Variants in CDKAL1 observed in about 807,000 individuals in gnomAD.
CDKAL1 encodes CDKAL1 threonylcarbamoyladenosine tRNA methylthiotransferase, also known as threonylcarbamoyladenosine tRNA methylthiotransferase.
Under a neutral mutation model 68.2 loss-of-function variants are expected in CDKAL1, and 32 were observed. The ratio of observed to expected loss-of-function variants is 0.47; its 90% CI spans 0.35 to 0.63. The LOEUF (loss-of-function observed/expected upper bound fraction) is 0.63. Ranked by LOEUF, CDKAL1 falls within the 30% of genes least tolerant of loss-of-function variation. The probability of loss-of-function intolerance (pLI) is 0.00; values close to 1 mark genes in which losing one functional copy is unlikely to be tolerated. For synonymous variants in CDKAL1, 234 were observed against 244.3 expected (o/e 0.96, Z 0.39); for missense variants, 606 against 696.7 (o/e 0.87, Z 1.47).
At chr6:21,119,902 A>G (rs1322646539) in intron 13 of CDKAL1, among the ~76,000 whole-genome samples, 1 of 152,160 alleles carries the variant, frequency 6.6e-6, no homozygotes, top group Non-Finnish European at 1.5e-5. Context: ...AAAGGCCCTT[A>G]GAGCTCATGG....
intron 8 of CDKAL1, among the ~76,000 whole-genome samples, chr6:20,797,498 G>A (rs934778247): frequency 6.6e-6 from 1 of 152,162 alleles, no homozygotes; most frequent in Non-Finnish European, 1.5e-5. Context: ...TTAGGTATGA[G>A]AAATGAAAAC....
intron 13 of CDKAL1, among the ~76,000 whole-genome samples, chr6:21,197,762 C>T (rs1582400552): frequency 6.6e-6 from 1 of 152,114 alleles, no homozygotes; most frequent in East Asian, 1.9e-4. Context: ...AGATCAAATT[C>T]TGTTTCAGAG....
intron 5 of CDKAL1, among the ~76,000 whole-genome samples, chr6:20,737,937 A>G (rs1282588149): frequency 6.6e-6 from 1 of 152,246 alleles, no homozygotes; most frequent in African/African-American, 2.4e-5. Context: ...GCTGTTCATC[A>G]CAAAGAGCCC....
intron 9 of CDKAL1, among the ~76,000 whole-genome samples, chr6:20,901,340 A>G (rs1454604975): frequency 6.6e-6 from 1 of 152,044 alleles, no homozygotes. Context: ...GTGATATTTT[A>G]CAAATTGGAC....
At chr6:20,902,988 A>G (rs927310716) in intron 9 of CDKAL1, among the ~76,000 whole-genome samples, 5 of 152,130 alleles carry the variant, frequency 3.3e-5, no homozygotes, top group Non-Finnish European at 5.9e-5. Flanking sequence ...AGACTGAATG[A>G]CATTCATTGT....
intron 9 of CDKAL1, among the ~76,000 whole-genome samples, chr6:20,864,169 C>A (rs1232551817): frequency 7.8e-6 from 1 of 128,398 alleles, no homozygotes; most frequent in Non-Finnish European, 1.7e-5. Flanking sequence ...AATGCTGTCA[C>A]ATGAAAAATA....
At chr6:21,221,969 G>A (rs1271264697) in intron 15 of CDKAL1, among the ~76,000 whole-genome samples, 1 of 152,116 alleles carries the variant, frequency 6.6e-6, no homozygotes, top group Non-Finnish European at 1.5e-5. Flanking sequence ...TGCAGGTTGG[G>A]CATTCTGAAA....
At chr6:20,658,213 C>G (rs1769119516) in intron 5 of CDKAL1, among the ~76,000 whole-genome samples, 1 of 152,148 alleles carries the variant, frequency 6.6e-6, no homozygotes, top group Non-Finnish European at 1.5e-5. Context: ...GAATAGCCAG[C>G]TTGCTTTGAT....
chr6:21,176,780 C>T (rs1391648310), intron 13 of CDKAL1, among the ~76,000 whole-genome samples: 1 of 151,240 alleles, frequency 6.6e-6, no homozygotes, highest in East Asian at 2.0e-4. Context: ...GCGCATCCTC[C>T]GCCACCCGGC....
At chr6:20,718,625 T>C (rs948640096) in intron 5 of CDKAL1, among the ~76,000 whole-genome samples, 1 of 152,218 alleles carries the variant, frequency 6.6e-6, no homozygotes, top group Non-Finnish European at 1.5e-5. Flanking sequence ...TTCCCTCTTA[T>C]CACATTTTTA....
At chr6:20,949,578 A>G (rs1414161740) in intron 9 of CDKAL1, among the ~76,000 whole-genome samples, 1 of 152,140 alleles carries the variant, frequency 6.6e-6, no homozygotes, top group African/African-American at 2.4e-5. Context: ...ATGGAACCAA[A>G]ATTCATTGAG....
intron 9 of CDKAL1, among the ~76,000 whole-genome samples, chr6:20,872,374 C>T (rs1410093265): frequency 6.6e-6 from 1 of 152,014 alleles, no homozygotes; most frequent in African/African-American, 2.4e-5. Context: ...AAACAACATC[C>T]TAGCAAGGGT....
intron 5 of CDKAL1, among the ~76,000 whole-genome samples, chr6:20,660,808 G>A (rs1250838835): frequency 6.6e-6 from 1 of 152,164 alleles, no homozygotes; most frequent in Non-Finnish European, 1.5e-5. Context: ...TCGTTATGCT[G>A]TCATTGCATC....
chr6:20,549,816 A>G (rs537271858), intron 4 of CDKAL1, among the ~76,000 whole-genome samples: 1 of 151,856 alleles, frequency 6.6e-6, no homozygotes, highest in Non-Finnish European at 1.5e-5. Context: ...CATGTTGGCC[A>G]GGCTAGTCTC....
chr6:20,901,684 A>AG, intron 9 of CDKAL1, among the ~76,000 whole-genome samples: 1 of 118,846 alleles, frequency 8.4e-6, no homozygotes, highest in Non-Finnish European at 1.7e-5. Context: ...CCATCTGGAA[A>AG]AAAAAAAAAA....
intron 9 of CDKAL1, among the ~76,000 whole-genome samples, chr6:20,868,476 T>A (rs993677232): frequency 6.6e-6 from 1 of 152,266 alleles, no homozygotes; most frequent in Non-Finnish European, 1.5e-5. Flanking sequence ...TATTTCAGTA[T>A]GTCCTTGATA....
intron 13 of CDKAL1, among the ~76,000 whole-genome samples, chr6:21,141,578 A>G (rs1269018148): frequency 6.6e-6 from 1 of 152,234 alleles, no homozygotes; most frequent in African/African-American, 2.4e-5. Context: ...GTCAGGCAGG[A>G]ATTAGTTCAT....
At chr6:20,961,002 A>G (rs1765028328) in intron 10 of CDKAL1, among the ~76,000 whole-genome samples, 1 of 152,170 alleles carries the variant, frequency 6.6e-6, no homozygotes, top group Non-Finnish European at 1.5e-5. Context: ...TCTCCACTAG[A>G]GAGGATACAT....
intron 5 of CDKAL1, among the ~76,000 whole-genome samples, chr6:20,704,946 AAATGAGAATAAC>A (rs1428916013): frequency 6.6e-6 from 1 of 152,242 alleles, no homozygotes; most frequent in Non-Finnish European, 1.5e-5. Context: ...AGCCTGACTA[AAATGAGAATAAC>A]AATTCACATT....
Sources: allele counts gnomAD v4.1 joint callset (sites outside exome capture counted in the v4.1 genomes callset), GRCh38; gene constraint gnomAD v4.1.1; transcripts MANE v1.5; gene names NCBI Gene and HGNC (gene_info 2026-07-23, HGNC 2026-07-21).